The following ENOX1 variants were observed in gnomAD, a reference collection of about 807,000 sequenced individuals.
ENOX1 encodes the protein candidate growth-related and time keeping constitutive hydroquinone (NADH) oxidase.
ENOX1 carries 42 observed loss-of-function variants against 82.5 expected under a neutral mutation model. That is an observed-to-expected ratio of 0.51 (90% CI 0.40 to 0.66). ENOX1 has a LOEUF of 0.66. Ranked by LOEUF, ENOX1 falls within the 30% of genes least tolerant of loss-of-function variation. ENOX1 has a pLI of 0.00. For missense variants in ENOX1, 608 were observed against 811.6 expected (o/e 0.75, Z 3.05); for synonymous variants, 271 against 282.2 (o/e 0.96, Z 0.40).
intron 9 of ENOX1, among the ~76,000 whole-genome samples, chr13:43,334,767 A>C (rs573265013): frequency 8.3e-4 from 127 of 152,286 alleles, no homozygotes; most frequent in African/African-American, 3.0e-3. Context: ...GCTGGAACCA[A>C]TTTCTCTCAG....
At chr13:43,533,289 C>T (rs1279723458) in intron 2 of ENOX1, among the ~76,000 whole-genome samples, 1 of 152,060 alleles carries the variant, frequency 6.6e-6, no homozygotes, top group Non-Finnish European at 1.5e-5. Context: ...GCTATGGGTG[C>T]CTACATTCAT....
At chr13:43,366,218 T>A (rs2050835532) in intron 5 of ENOX1, among the ~76,000 whole-genome samples, 1 of 152,184 alleles carries the variant, frequency 6.6e-6, no homozygotes, top group Non-Finnish European at 1.5e-5. Flanking sequence ...AAAGTGAACA[T>A]TTTAAAAAAG....
intron 2 of ENOX1, among the ~76,000 whole-genome samples, chr13:43,513,378 C>T (rs550575541): frequency 2.0e-5 from 3 of 152,054 alleles, no homozygotes; most frequent in South Asian, 2.1e-4. Context: ...AGGGGCAAAG[C>T]GGTAAGAAAA....
At chr13:43,234,243 T>TTCTTTTGGAGGATTATCC (rs1478891722) in intron 15 of ENOX1, among the ~76,000 whole-genome samples, 1 of 152,208 alleles carries the variant, frequency 6.6e-6, no homozygotes, top group Non-Finnish European at 1.5e-5. Context: ...CATTGTGGCA[T>TTCTTTTGGAGGATTATCC]TCTTTTGGAG....
At chr13:43,602,948 T>C (rs1300357799) in intron 2 of ENOX1, among the ~76,000 whole-genome samples, 1 of 152,172 alleles carries the variant, frequency 6.6e-6, no homozygotes, top group Non-Finnish European at 1.5e-5. Context: ...CTATCATTCA[T>C]TTAGCCAACA....
Position 43,269,532 on chromosome 13 carries a change from A to G in ENOX1, c.1492T>C (p.Leu498=), listed in dbSNP as rs544071330. 10 of 1,613,960 alleles carry G rather than the reference A, an allele frequency of 6.2e-6. No homozygotes were observed. The highest frequency in any genetic ancestry group is 4.0e-5 in the African/African-American group (3 of 75,030). ...QEELNNKKSE[L]EQAKEEQSHT... is the part of the protein sequence containing the mutation. ...GACTGCTCTTCCTTTGCTTGTTCCA[A>G]TTCTGACTTTTTGTTGTTTAACTCC... Residue 498 remains leucine, a synonymous_variant, in exon 13 of 17, where the codon TTG becomes CTG. Transcript: ENST00000690772.
chr13:43,597,515 A>G (rs976771741), intron 2 of ENOX1, among the ~76,000 whole-genome samples: 1 of 152,160 alleles, frequency 6.6e-6, no homozygotes, highest in Non-Finnish European at 1.5e-5. Context: ...CACAAAATCA[A>G]TCCAGATTAC....
At chr13:43,325,714 A>G (rs149918357) in intron 10 of ENOX1, among the ~76,000 whole-genome samples, 1 of 152,338 alleles carries the variant, frequency 6.6e-6, no homozygotes, top group African/African-American at 2.4e-5. Flanking sequence ...AGAAGCAAAG[A>G]CAGTATACTT....
intron 2 of ENOX1, among the ~76,000 whole-genome samples, chr13:43,498,097 T>A (rs2076855670): frequency 6.6e-6 from 1 of 152,098 alleles, no homozygotes. Context: ...TACATTAAAC[T>A]CGCTGGTACT....
chr13:43,239,219 T>A (rs751386560), intron 14 of ENOX1, among the ~76,000 whole-genome samples: 1 of 152,150 alleles, frequency 6.6e-6, no homozygotes, highest in Non-Finnish European at 1.5e-5. Flanking sequence ...AAATGGTGTG[T>A]TCTCATGCAG....
chr13:43,421,181 C>T (rs1228001522), intron 3 of ENOX1, among the ~76,000 whole-genome samples: 3 of 152,030 alleles, frequency 2.0e-5, no homozygotes, highest in African/African-American at 7.2e-5. Flanking sequence ...AGTGTCAAAC[C>T]CATGAAATCA....
chr13:43,542,372 T>A (rs1372459997), intron 2 of ENOX1, among the ~76,000 whole-genome samples: 1 of 150,926 alleles, frequency 6.6e-6, no homozygotes, highest in Non-Finnish European at 1.5e-5. Context: ...GACCTTGTGA[T>A]CCACCCACCT....
Position 43,484,117 on chromosome 13 carries a change from AT to A in ENOX1, c.-184del, listed in dbSNP as rs2058605192. 1 of 985,350 alleles carries A rather than the reference AT, an allele frequency of 1.0e-6. No individual in the cohort carries two copies. Among genetic ancestry groups the A allele is most frequent in the African/African-American group, 1.7e-5 (1 of 57,226 alleles). 61.0% of individuals were successfully genotyped at this position (985,350 alleles called of 1,614,324 possible). On this transcript the variant is annotated 5_prime_UTR_variant, in exon 3 of 17. An upstream start codon of the reference 5' UTR is lost. Transcript: ENST00000690772. ...GGATGCTCTTCACAAAGGAAGTCTC[AT>A]GGAAGACAGCATGGTTCTGACATAT...
intron 1 of ENOX1, among the ~76,000 whole-genome samples, chr13:43,730,939 C>G (rs2153821987): frequency 6.6e-6 from 1 of 152,306 alleles, no homozygotes; most frequent in Non-Finnish European, 1.5e-5. Flanking sequence ...CTATGATACC[C>G]TGCAGCAGCT....
At chr13:43,272,298 G>T (rs2044733402) in intron 12 of ENOX1, among the ~76,000 whole-genome samples, 1 of 152,102 alleles carries the variant, frequency 6.6e-6, no homozygotes, top group Non-Finnish European at 1.5e-5. Context: ...AGCCTGCAAT[G>T]GAATATGCTA....
At chr13:43,427,660 CG>C (rs2055402862) in intron 3 of ENOX1, among the ~76,000 whole-genome samples, 1 of 152,026 alleles carries the variant, frequency 6.6e-6, no homozygotes, top group Non-Finnish European at 1.5e-5. Context: ...ATACCAAGAA[CG>C]TAATAGTGAA....
chr13:43,440,930 G>C (rs2056324841), intron 3 of ENOX1, among the ~76,000 whole-genome samples: 1 of 152,184 alleles, frequency 6.6e-6, no homozygotes, highest in Non-Finnish European at 1.5e-5. Context: ...TGATATGCTT[G>C]ATACACTTGA....
rs537279952 is a variant in ENOX1, at chr13:43,778,491, T to C, written c.-285+8161A>G. On this transcript the variant is annotated intron_variant, in intron 1 of 16. Transcript: ENST00000690772. ...TCAAAGCATCAGGGAAAACAACAGATACAAATGCACAGAGTCATACTAGGT... is the reference window on the plus strand; with the variant it reads ...TCAAAGCATCAGGGAAAACAACAGACACAAATGCACAGAGTCATACTAGGT... Among the ~76,000 whole-genome samples, 4 of 152,152 alleles carry C rather than the reference T, an allele frequency of 2.6e-5. No homozygotes were observed. The South Asian group carries it at 8.3e-4, about 32-fold the overall frequency.
chr13:43,783,041 T>C (rs1952366302), intron 1 of ENOX1, among the ~76,000 whole-genome samples: 1 of 152,202 alleles, frequency 6.6e-6, no homozygotes, highest in Non-Finnish European at 1.5e-5. Context: ...GATAGGAGAT[T>C]GTAATGAGTG....
Sources: gnomAD v4.1 joint callset for allele counts (sites outside exome capture counted in the v4.1 genomes callset) on GRCh38, gnomAD v4.1.1 for gene constraint, MANE v1.5 for transcripts, NCBI Gene and HGNC (gene_info 2026-07-23, HGNC 2026-07-21) for gene names.